DPP3: variants seen among roughly 807,000 people sequenced by gnomAD.
The protein encoded by DPP3 is dipeptidyl peptidase 3.
A neutral mutation model predicts 89.8 loss-of-function variants in DPP3; 64 were observed. The observed-to-expected ratio is 0.71, with a 90% CI of 0.58 to 0.88. The LOEUF is 0.88. DPP3 is among the 40% of genes least tolerant of loss of function. The pLI, the probability that DPP3 is intolerant of heterozygous loss-of-function variation, is 0.00. For synonymous variants in DPP3, 377 were observed against 404.3 expected, an observed-to-expected ratio of 0.93 and a Z score of 0.81; for missense variants, 835 against 972.5, an observed-to-expected ratio of 0.86 and a Z score of 1.88.
intron 9 of DPP3, among the ~76,000 whole-genome samples, chr11:66,492,111 C>A (rs1232138932): frequency 6.6e-6 from 1 of 152,198 alleles, no homozygotes; most frequent in East Asian, 1.9e-4. Flanking sequence ...GCCTCCCAAG[C>A]CCAGCTTTAC....
intron 6 of DPP3, among the ~76,000 whole-genome samples, chr11:66,490,228 T>A (rs1408751717): frequency 4.0e-5 from 6 of 150,642 alleles, no homozygotes; most frequent in Non-Finnish European, 5.9e-5. Context: ...TGTTTTTACA[T>A]AGCCTTGAAG....
At chr11:66,498,560 G>A (rs1014401359) in intron 16 of DPP3, among the ~76,000 whole-genome samples, 1 of 152,070 alleles carries the variant, frequency 6.6e-6, no homozygotes, top group African/African-American at 2.4e-5. Flanking sequence ...GGACATTTTT[G>A]GACAAACAAA....
chr11:66,483,588 A>G (rs1207771403), intron 2 of DPP3, among the ~76,000 whole-genome samples: 2 of 152,046 alleles, frequency 1.3e-5, no homozygotes, highest in African/African-American at 4.8e-5. Flanking sequence ...ATTACTGGAC[A>G]TTTAGCTTGT....
intron 2 of DPP3, 105 bp downstream of exon 2, chr11:66,482,575 A>G (rs945761431): frequency 4.0e-6 from 6 of 1,481,736 alleles, no homozygotes; most frequent in Non-Finnish European, 5.4e-6. Flanking sequence ...GGATTAGACC[A>G]AAGGTTACAA....
rs1466728685 is a variant in DPP3 at position 66,488,021 on chromosome 11, C to T, written c.667+14C>T. The T allele has an allele frequency of 1.9e-6, 3 of 1,612,516 alleles. No individual in the cohort carries two copies. The highest frequency in any genetic ancestry group is 2.2e-5 in the East Asian group (1 of 44,858). ...TGCTTGGCTCAGGTGAGCTTAGCCC[C>T]AGGCTTCCCTTCTGCTCCCTCCTGG... On this transcript the variant is annotated intron_variant, in intron 6 of 17. Transcript: ENST00000531863.
intron 6 of DPP3, among the ~76,000 whole-genome samples, chr11:66,488,753 C>T (rs1285192061): frequency 4.6e-5 from 7 of 152,250 alleles, no homozygotes; most frequent in South Asian, 2.1e-4. Context: ...GTTCCCCACT[C>T]GCACCCCAGC....
At chr11:66,504,064 T>A (rs1855743395) in intron 16 of DPP3, among the ~76,000 whole-genome samples, 1 of 152,170 alleles carries the variant, frequency 6.6e-6, no homozygotes. Flanking sequence ...TGGCCTCACA[T>A]GGTGGAAAGC....
rs1228695441 is a variant in DPP3, at chr11:66,491,254, G to A, written c.669G>A (p.Glu223=). 1 of 1,613,160 alleles carries A rather than the reference G, an allele frequency of 6.2e-7. No individual in the cohort carries two copies. Among genetic ancestry groups the A allele is most frequent in the Non-Finnish European group, 8.5e-7 (1 of 1,179,918 alleles). The part of the protein sequence containing the change: ...EVRLASVLGS[E]PSLDSEVTSK... ...TTGAATGACACCTTCTTTCCCCAGA[G>A]CCTTCCCTGGACTCTGAGGTGACTT... The change falls in exon 7 of 18, where the codon GAG becomes GAA. Residue 223 remains glutamate (E), a splice_region_variant and synonymous_variant. Coordinates refer to ENST00000531863, the MANE Select transcript of DPP3 (RefSeq NM_130443.4).
chr11:66,495,106 C>T (rs1332320973), intron 12 of DPP3, 100 bp from the exon 13 acceptor site: 29 of 1,574,942 alleles, frequency 1.8e-5, no homozygotes, highest in South Asian at 2.2e-5. Context: ...CCTGCGCTCC[C>T]GCTTGCCTTC....
intron 6 of DPP3, among the ~76,000 whole-genome samples, chr11:66,490,193 C>G (rs894151735): frequency 7.2e-6 from 1 of 139,202 alleles, no homozygotes; most frequent in Non-Finnish European, 1.5e-5. Flanking sequence ...ACAGGAAATA[C>G]TGTGGCTATT....
chr11:66,495,079 T>G lies in DPP3; in HGVS notation c.1390-127T>G, dbSNP rs11824771. ...GGCGTCAGTGTGTGGACAGACCTGC[T>G]GCTCCCGCCGCCCGCTCCTGCGCTC... On this transcript the variant is annotated intron_variant, in intron 12 of 17. Transcript: ENST00000531863. 18 of 1,346,022 alleles carry G rather than the reference T, an allele frequency of 1.3e-5. No individual in the cohort carries two copies. The South Asian group carries it at 2.3e-4, about 17-fold the overall frequency. The allele number at this position is 1,346,022 out of a possible 1,614,324, so 83.4% of individuals were successfully genotyped here.
chr11:66,504,740 G>A lies in DPP3; in HGVS notation c.2007G>A (p.Arg669=), dbSNP rs780892821. 1.6e-5 allele frequency: 25 copies of A among 1,612,634 alleles called. No homozygotes were observed. Among genetic ancestry groups the A allele is most frequent in the African/African-American group, 6.7e-5 (5 of 74,810 alleles). The change falls in exon 17 of 18, where the codon CGG becomes CGA. Residue 669 remains arginine, a synonymous_variant. Transcript: ENST00000531863. The stretch of plus-strand genomic sequence containing the variant: ...CGGTGCTGCTGCGTAAGGAATCTCG[G>A]AAGCTCATTGTTCAGCCCAACACTC... ...RDTVLLRKES[R]KLIVQPNTRL...
At chr11:66,506,873 G>A (rs961173070) in intron 17 of DPP3, among the ~76,000 whole-genome samples, 4 of 151,556 alleles carry the variant, frequency 2.6e-5, no homozygotes, top group Admixed American at 6.6e-5. Flanking sequence ...TAACTGCTTC[G>A]GTCCCTCTCT....
At chr11:66,492,651 G>C (rs1590738246) in intron 9 of DPP3, 65 bp from the exon 10 acceptor site, 1 of 1,513,498 alleles carries the variant, frequency 6.6e-7, no homozygotes, top group African/African-American at 1.4e-5. Flanking sequence ...GTGATGGCTG[G>C]AGTAGGGTGA....
intron 1 of DPP3, chr11:66,480,830 T>C: frequency 4.7e-6 from 1 of 214,364 alleles, no homozygotes; most frequent in Non-Finnish European, 9.2e-6. Flanking sequence ...TCAGTTTCCC[T>C]ATCTGTAAAA....
intron 12 of DPP3, among the ~76,000 whole-genome samples, chr11:66,494,337 G>A (rs753834294): frequency 7.9e-5 from 12 of 152,214 alleles, no homozygotes; most frequent in Non-Finnish European, 1.5e-4. Context: ...CCTGCTTCTC[G>A]GGGTGTGGGG....
At chr11:66,494,183 C>G (rs1219947249) in intron 12 of DPP3, among the ~76,000 whole-genome samples, 1 of 152,194 alleles carries the variant, frequency 6.6e-6, no homozygotes, top group Non-Finnish European at 1.5e-5. Flanking sequence ...GCTGGAGCCC[C>G]CTCCATACCT....
intron 3 of DPP3, 68 bp from the exon 4 acceptor site, chr11:66,486,472 G>T: frequency 2.1e-6 from 3 of 1,425,950 alleles, no homozygotes; most frequent in Non-Finnish European, 2.8e-6. Context: ...GCTTGGGAGT[G>T]GGTAGGGAGG....
chr11:66,480,935 G>A (rs1332688492), intron 1 of DPP3: 1 of 157,026 alleles, frequency 6.4e-6, no homozygotes, highest in Non-Finnish European at 1.4e-5. Flanking sequence ...GCATTTAGAG[G>A]GATGAGAATG....
Sources: allele counts gnomAD v4.1 joint callset (sites outside exome capture counted in the v4.1 genomes callset), GRCh38; gene constraint gnomAD v4.1.1; transcripts MANE v1.5; gene names NCBI Gene and HGNC (gene_info 2026-07-23, HGNC 2026-07-21).